Variants in ATP13A5 observed in about 807,000 individuals in gnomAD.
ATP13A5 encodes the protein ATPase 13A5, also known as probable cation-transporting ATPase 13A5.
Under a neutral mutation model 150.2 loss-of-function variants are expected in ATP13A5, and 149 were observed. The ratio of observed to expected loss-of-function variants is 0.99; its 90% CI spans 0.87 to 1.14. The LOEUF (loss-of-function observed/expected upper bound fraction) is 1.14, where lower values mean the gene tolerates loss of function less well. Among genes scored for constraint, ATP13A5 ranks in the 50% most tolerant of loss-of-function variants. The pLI, the probability that ATP13A5 is intolerant of heterozygous loss-of-function variation, is 0.00. For synonymous variants in ATP13A5, 497 were observed against 522.2 expected, an observed-to-expected ratio of 0.95 and a Z score of 0.66; for missense variants, 1,383 against 1,449.3, an observed-to-expected ratio of 0.95 and a Z score of 0.74.
intron 28 of ATP13A5, 145 bp from the exon 29 acceptor site, chr3:193,276,975 T>G: frequency 6.4e-6 from 4 of 620,704 alleles, no homozygotes; most frequent in Non-Finnish European, 1.1e-5. Context: ...ATAATACAAC[T>G]GAAGGACTCA....
In ATP13A5 at chr3:193,289,929, G is replaced by A; in HGVS notation, c.2979C>T (p.Leu993=). ...AATACCAAGGCTGCTGCTTCACATA[G>A]AGAAATGCACTGATCTGCACAATGC... ...FSCIVQISAF[L]YVKQQPWYCE... is the part of the protein sequence containing the mutation. Residue 993 remains leucine, a synonymous_variant, in exon 26 of 30, where the codon CTC becomes CTT. Coordinates refer to ENST00000342358, the MANE Select transcript of ATP13A5 (RefSeq NM_198505.4). 6.2e-7 allele frequency: 1 copy of A among 1,611,178 alleles called. No homozygotes were observed. The highest frequency in any genetic ancestry group is 8.5e-7 in the Non-Finnish European group (1 of 1,178,600).
At chr3:193,287,692 G>T (rs138730985) in intron 26 of ATP13A5, among the ~76,000 whole-genome samples, 132 of 152,204 alleles carry the variant, frequency 8.7e-4, no homozygotes, top group Non-Finnish European at 1.3e-3. Context: ...TAATGTTTTC[G>T]TGCCTGCTAA....
chr3:193,374,106 G>A (rs984750653), intron 1 of ATP13A5, among the ~76,000 whole-genome samples: 1 of 152,160 alleles, frequency 6.6e-6, no homozygotes, highest in Admixed American at 6.5e-5. Context: ...TGAAACAGAG[G>A]CTGATATGCA....
chr3:193,302,975 G>A (rs191751457), intron 23 of ATP13A5, among the ~76,000 whole-genome samples: 17 of 152,192 alleles, frequency 1.1e-4, no homozygotes, highest in African/African-American at 3.4e-4. Context: ...CTTGTATTCC[G>A]TAACAGTACA....
At chr3:193,360,812 G>T (rs980587042) in intron 5 of ATP13A5, among the ~76,000 whole-genome samples, 2 of 152,080 alleles carry the variant, frequency 1.3e-5, no homozygotes, top group Non-Finnish European at 2.9e-5. Context: ...GAGTAGCTGG[G>T]ACTACAGGTA....
At chr3:193,371,625 G>T (rs1560154792) in intron 1 of ATP13A5, among the ~76,000 whole-genome samples, 1 of 152,190 alleles carries the variant, frequency 6.6e-6, no homozygotes, top group Non-Finnish European at 1.5e-5. Context: ...CCATTCTCTT[G>T]CTGGTAGTCA....
chr3:193,363,323 C>G lies in ATP13A5; in HGVS notation c.297G>C (p.Lys99Asn). ...CTTCCCACTTCTTGCTTACAGGAAA[C>G]TTCAGTGTGGATAAGTAGAGGCAGA... The part of the protein sequence containing the change: ...KVFCLYLSTL[K>N]FPVSKKWEES... Residue 99 changes from lysine (K) to asparagine (N), a missense_variant, in exon 3 of 30, where the codon AAG becomes AAC. Physicochemically the swap from Lys to Asn is moderately conservative, Grantham distance 94. Transcript: ENST00000342358. 6.2e-7 allele frequency: 1 copy of G among 1,613,916 alleles called. No individual in the cohort carries two copies. Among genetic ancestry groups the G allele is most frequent in the Non-Finnish European group, 8.5e-7 (1 of 1,179,846 alleles).
intron 16 of ATP13A5, 74 bp downstream of exon 16, chr3:193,321,606 TG>T: frequency 6.5e-7 from 1 of 1,536,954 alleles, no homozygotes; most frequent in South Asian, 1.2e-5. Flanking sequence ...ACTCCAGCCT[TG>T]GGGACAGAGC....
At chr3:193,275,355 C>A in intron 29 of ATP13A5, 53 bp from the exon 30 acceptor site, 1 of 1,587,568 alleles carries the variant, frequency 6.3e-7, no homozygotes, top group Non-Finnish European at 8.5e-7. Context: ...CCCCCTGCAG[C>A]CAGGCCGCTG....
chr3:193,295,531 ACTGAACT>A (rs1397418914), intron 25 of ATP13A5, among the ~76,000 whole-genome samples: 1 of 151,930 alleles, frequency 6.6e-6, no homozygotes, highest in Non-Finnish European at 1.5e-5. Flanking sequence ...TGAATCCCCC[ACTGAACT>A]CTGAACTTGA....
Position 193,284,906 on chromosome 3 carries a change from A to G in ATP13A5, c.3226+8T>C, listed in dbSNP as rs1482628150. Reference sequence around the variant, plus strand: ...TTCAGAAAGAAAAATTAAACTTTATATACTTACAGTTTGTATAGATGGGTT... The same window carrying G: ...TTCAGAAAGAAAAATTAAACTTTATGTACTTACAGTTTGTATAGATGGGTT... On this transcript the variant is annotated splice_region_variant and intron_variant, in intron 27 of 29. Transcript: ENST00000342358. 17 of 1,598,828 alleles carry G rather than the reference A, an allele frequency of 1.1e-5. No individual in the cohort carries two copies. Among genetic ancestry groups the G allele is most frequent in the Admixed American group, 3.4e-5 (2 of 58,666 alleles).
intron 21 of ATP13A5, among the ~76,000 whole-genome samples, chr3:193,308,824 G>T (rs1176316044): frequency 6.6e-6 from 1 of 152,048 alleles, no homozygotes; most frequent in Non-Finnish European, 1.5e-5. Flanking sequence ...CATTTTAGTT[G>T]GCAAAATTTC....
intron 24 of ATP13A5, among the ~76,000 whole-genome samples, chr3:193,300,389 C>T (rs974917791): frequency 1.3e-5 from 2 of 152,074 alleles, no homozygotes; most frequent in Non-Finnish European, 2.9e-5. Flanking sequence ...AACTTGAATC[C>T]AGGTTTTCTG....
Position 193,335,467 on chromosome 3 carries a change from C to T in ATP13A5, c.944-368G>A, listed in dbSNP as rs73074766. 9.5e-3 allele frequency among the ~76,000 whole-genome samples: 1,446 copies of T among 152,216 alleles called. 26 individuals are homozygous for T. Among genetic ancestry groups the T allele is most frequent in the African/African-American group, 0.033 (1,378 of 41,534 alleles). On this transcript the variant is annotated intron_variant, in intron 9 of 29. Coordinates refer to ENST00000342358, the MANE Select transcript of ATP13A5 (RefSeq NM_198505.4). ...GCACGTGAATAGTAATTACTATTTG[C>T]TTTGCATTCACTCATTTATTCATTT...
At chr3:193,306,259 T>G (rs1055201793) in intron 22 of ATP13A5, among the ~76,000 whole-genome samples, 2 of 151,886 alleles carry the variant, frequency 1.3e-5, no homozygotes, top group South Asian at 2.1e-4. Flanking sequence ...ATCTCTATTA[T>G]GTACTTTAGG....
intron 23 of ATP13A5, among the ~76,000 whole-genome samples, chr3:193,303,679 C>T (rs955858775): frequency 1.4e-4 from 22 of 151,924 alleles, no homozygotes; most frequent in South Asian, 2.1e-4. Context: ...GGTAGCAGCA[C>T]GTGATGCGAG....
chr3:193,308,424 A>T (rs1446462063), intron 21 of ATP13A5, among the ~76,000 whole-genome samples: 1 of 152,128 alleles, frequency 6.6e-6, no homozygotes, highest in Non-Finnish European at 1.5e-5. Context: ...GCACCGCTGC[A>T]CTCCAGCCTG....
chr3:193,353,765 T>C (rs1000971369), intron 6 of ATP13A5, among the ~76,000 whole-genome samples: 3 of 152,196 alleles, frequency 2.0e-5, no homozygotes, highest in Non-Finnish European at 2.9e-5. Context: ...ACCTTGATCT[T>C]GGACTTCCCA....
At chr3:193,351,798 G>A (rs1359993883) in intron 6 of ATP13A5, among the ~76,000 whole-genome samples, 1 of 152,178 alleles carries the variant, frequency 6.6e-6, no homozygotes, top group Non-Finnish European at 1.5e-5. Flanking sequence ...AGCAAATCAT[G>A]AGCAGAAAGC....
Sources: gnomAD v4.1 joint callset for allele counts (sites outside exome capture counted in the v4.1 genomes callset) on GRCh38, gnomAD v4.1.1 for gene constraint, MANE v1.5 for transcripts, NCBI Gene and HGNC (gene_info 2026-07-23, HGNC 2026-07-21) for gene names.